Variants in ACTN2 observed in about 807,000 individuals in gnomAD.
ACTN2 encodes actinin alpha 2.
Under a neutral mutation model 113.8 loss-of-function variants are expected in ACTN2, and 39 were observed. That is an observed-to-expected ratio of 0.34 (90% CI 0.27 to 0.45). The LOEUF is 0.45. ACTN2 is among the 20% of genes least tolerant of loss of function. The pLI, the probability that ACTN2 is intolerant of heterozygous loss-of-function variation, is 1.00. For missense variants in ACTN2, 992 were observed against 1,177.9 expected (o/e 0.84, Z 2.31); for synonymous variants, 429 against 444.1 (o/e 0.97, Z 0.43).
chr1:236,713,384 T>A (rs1038431906), intron 1 of ACTN2, among the ~76,000 whole-genome samples: 3 of 152,142 alleles, frequency 2.0e-5, no homozygotes, highest in Non-Finnish European at 4.4e-5. Flanking sequence ...TGCATCACCA[T>A]GTACAACTAG....
chr1:236,729,333 A>G (rs1372682729), intron 6 of ACTN2, among the ~76,000 whole-genome samples: 1 of 152,150 alleles, frequency 6.6e-6, no homozygotes, highest in Non-Finnish European at 1.5e-5. Flanking sequence ...CAAAAAAGAA[A>G]AGAAAAGAAA....
intron 3 of ACTN2, among the ~76,000 whole-genome samples, 199 bp downstream of exon 3, chr1:236,719,212 T>C (rs1256496966): frequency 6.6e-6 from 1 of 152,182 alleles, no homozygotes; most frequent in Admixed American, 6.5e-5. Flanking sequence ...TCTAGGTTCT[T>C]TGTAAAGCAT....
chr1:236,749,374 C>T, intron 14 of ACTN2, 110 bp downstream of exon 14: 1 of 1,456,686 alleles, frequency 6.9e-7, no homozygotes, highest in Non-Finnish European at 9.4e-7. Flanking sequence ...AAAAAATTAA[C>T]AAATGTGGCT....
At chr1:236,760,960 T>C (rs1659685809) in intron 19 of ACTN2, 55 bp from the exon 20 acceptor site, 18 of 1,611,350 alleles carry the variant, frequency 1.1e-5, no homozygotes, top group Admixed American at 3.3e-5. Flanking sequence ...TGAAAACGGC[T>C]CTGTTGAGAG....
intron 1 of ACTN2, among the ~76,000 whole-genome samples, chr1:236,704,099 A>G (rs913743745): frequency 3.3e-5 from 5 of 152,214 alleles, no homozygotes; most frequent in African/African-American, 1.2e-4. Flanking sequence ...TTTGACGTGG[A>G]AAAGGAACTG....
intron 4 of ACTN2, among the ~76,000 whole-genome samples, chr1:236,723,290 A>G (rs774693620): frequency 3.9e-5 from 6 of 152,194 alleles, no homozygotes; most frequent in East Asian, 3.8e-4. Flanking sequence ...TCACATTTTA[A>G]TTAAGTCTTA....
intron 1 of ACTN2, among the ~76,000 whole-genome samples, chr1:236,709,488 G>A (rs1295652384): frequency 6.6e-6 from 1 of 151,270 alleles, no homozygotes; most frequent in East Asian, 1.9e-4. Flanking sequence ...GCTGGACCGA[G>A]CTCTGCCTGT....
intron 12 of ACTN2, 61 bp from the exon 13 acceptor site, chr1:236,747,606 C>T: frequency 3.5e-6 from 5 of 1,438,892 alleles, no homozygotes; most frequent in Non-Finnish European, 4.8e-6. Flanking sequence ...TTTTTTAGCC[C>T]ATGTTCATTT....
chr1:236,709,289 TGTATATATGTATATATAC>T (rs1274247360), intron 1 of ACTN2, among the ~76,000 whole-genome samples: 15 of 142,026 alleles, frequency 1.1e-4, no homozygotes, highest in East Asian at 8.1e-4. Flanking sequence ...TGTATATATA[TGTATATATGTATATATAC>T]GTATATATGT....
intron 6 of ACTN2, among the ~76,000 whole-genome samples, chr1:236,729,794 C>T (rs1450500707): frequency 1.3e-5 from 2 of 152,186 alleles, no homozygotes; most frequent in African/African-American, 2.4e-5. Flanking sequence ...ATCTTAATCT[C>T]ATTTGCAAAA....
At position 236,688,117 on chromosome 1, in the gene ACTN2, T is replaced by C. The variant is rs182575678; in HGVS notation, c.126+1318T>C. 7.9e-5 allele frequency among the ~76,000 whole-genome samples: 12 copies of C among 152,292 alleles called. No homozygotes were observed. The East Asian group carries it at 2.3e-3, about 29-fold the overall frequency. ...AGGCATGAGGATTACTAATGTGTCATCTGGACCAGCTGATGCATCATCCAT... is the reference window on the plus strand; with the variant it reads ...AGGCATGAGGATTACTAATGTGTCACCTGGACCAGCTGATGCATCATCCAT... On this transcript the variant is annotated intron_variant, in intron 1 of 20. Transcript: ENST00000366578.
rs563482492 is a variant in ACTN2 at position 236,694,573 on chromosome 1, T to C, written c.126+7774T>C. ...AATTATGAATCATTTCTAAGAAACGTTTAGTACAATTACTTTTTAAATTAA... is the reference window on the plus strand; with the variant it reads ...AATTATGAATCATTTCTAAGAAACGCTTAGTACAATTACTTTTTAAATTAA... On this transcript the variant is annotated intron_variant, in intron 1 of 20. Coordinates refer to ENST00000366578, the MANE Select transcript of ACTN2 (RefSeq NM_001103.4). Among the ~76,000 whole-genome samples the C allele has an allele frequency of 5.3e-5, 8 of 152,236 alleles. No individual in the cohort carries two copies. The East Asian group carries it at 1.5e-3, about 29-fold the overall frequency.
chr1:236,750,674 TG>T (rs1200740709), intron 14 of ACTN2, among the ~76,000 whole-genome samples: 3 of 152,192 alleles, frequency 2.0e-5, no homozygotes, highest in African/African-American at 7.2e-5. Flanking sequence ...TGGGAAGAGT[TG>T]GTTTCTGTGA....
chr1:236,733,705 C>T (rs1208206956), intron 7 of ACTN2, among the ~76,000 whole-genome samples: 1 of 152,156 alleles, frequency 6.6e-6, no homozygotes, highest in Non-Finnish European at 1.5e-5. Context: ...CTTCTATCAG[C>T]AGTTTAAAAT....
intron 20 of ACTN2, among the ~76,000 whole-genome samples, chr1:236,761,921 C>G (rs867373507): frequency 2.6e-5 from 4 of 152,054 alleles, no homozygotes; most frequent in Non-Finnish European, 4.4e-5. Context: ...GAATCATTTA[C>G]CCATGGGGTG....
intron 1 of ACTN2, among the ~76,000 whole-genome samples, chr1:236,691,590 A>G (rs1666083981): frequency 6.6e-6 from 1 of 152,022 alleles, no homozygotes; most frequent in South Asian, 2.1e-4. Flanking sequence ...GGTTGCCGTG[A>G]GCTGTGATCG....
At chr1:236,723,723 C>T (rs774070462) in intron 4 of ACTN2, among the ~76,000 whole-genome samples, 4 of 152,106 alleles carry the variant, frequency 2.6e-5, no homozygotes, top group Non-Finnish European at 5.9e-5. Flanking sequence ...TCCCAAAGTG[C>T]TGGGATTACA....
intron 7 of ACTN2, chr1:236,734,496 A>G: frequency 6.5e-7 from 1 of 1,535,582 alleles, no homozygotes; most frequent in South Asian, 1.2e-5. Context: ...TGTTACTATC[A>G]TGCTTTTGCT....
At chr1:236,716,187 T>G (rs910716590) in intron 1 of ACTN2, among the ~76,000 whole-genome samples, 1 of 152,028 alleles carries the variant, frequency 6.6e-6, no homozygotes, top group African/African-American at 2.4e-5. Context: ...AAAATCCTCT[T>G]TATCACCCAG....
Sources: allele counts gnomAD v4.1 joint callset (sites outside exome capture counted in the v4.1 genomes callset), GRCh38; gene constraint gnomAD v4.1.1; transcripts MANE v1.5; gene names NCBI Gene and HGNC (gene_info 2026-07-23, HGNC 2026-07-21).